BCAS3: variants seen among roughly 807,000 people sequenced by gnomAD.
BCAS3 encodes the protein BCAS3 microtubule associated cell migration factor.
Under a neutral mutation model 116.1 loss-of-function variants are expected in BCAS3, and 53 were observed. The observed-to-expected ratio is 0.46, with a 90% CI of 0.37 to 0.57. The LOEUF is 0.57. Ranked by LOEUF, BCAS3 falls within the 20% of genes least tolerant of loss-of-function variation. BCAS3 has a pLI of 0.00. For synonymous variants in BCAS3, 391 were observed against 408.2 expected (o/e 0.96, Z 0.51); for missense variants, 917 against 1,165.4 (o/e 0.79, Z 3.10).
Position 61,377,582 on chromosome 17 carries a change from G to A in BCAS3, c.2593+9088G>A, listed in dbSNP as rs2059396843. Among the ~76,000 whole-genome samples, 1 of 152,146 alleles carries A rather than the reference G, an allele frequency of 6.6e-6. No homozygotes were observed. The highest frequency in any genetic ancestry group is 2.4e-5 in the African/African-American group (1 of 41,418). ...CCTGGGCAAGTGCCTTTCCCTCTCT[G>A]GGCCAGTTTCTTCCTCTGTGACACA... On this transcript the variant is annotated intron_variant, in intron 23 of 23. Coordinates refer to ENST00000407086, the MANE Select transcript of BCAS3 (RefSeq NM_017679.5). This position sits in a 1 kb window ranked among gnomAD's most constrained non-coding sequence, Gnocchi z 4.6.
intron 7 of BCAS3, among the ~76,000 whole-genome samples, chr17:60,814,298 T>TGCGCGCGCGCGC (rs778722592): frequency 1.7e-5 from 2 of 115,112 alleles, no homozygotes; most frequent in African/African-American, 1.1e-4. Flanking sequence ...TGTGTGTGTG[T>TGCGCGCGCGCGC]GTGTGTGTGC....
At position 61,128,682 on chromosome 17, in the gene BCAS3, A is replaced by G. The variant is rs765307305; in HGVS notation, c.2425+44118A>G. On this transcript the variant is annotated intron_variant, in intron 22 of 23. Coordinates refer to ENST00000407086, the MANE Select transcript of BCAS3 (RefSeq NM_017679.5). This position sits in a 1 kb window ranked among gnomAD's most constrained non-coding sequence, Gnocchi z 4.1. ...TATTGTTTCTGCATCGTCCTGTCAA[A>G]CATCTGGAAACCAGCATATTGGCAG... 58 of 816,634 alleles carry G rather than the reference A, an allele frequency of 7.1e-5. No individual in the cohort carries two copies. Among genetic ancestry groups the G allele is most frequent in the Non-Finnish European group, 8.6e-5 (58 of 676,380 alleles). The allele number at this position is 816,634 out of a possible 1,614,324, so 50.6% of individuals were successfully genotyped here. A position where few individuals can be genotyped will look rare whatever the true frequency, so the allele number is the denominator to read the frequency against.
At chr17:61,102,256 C>G (rs1038189861) in intron 22 of BCAS3, among the ~76,000 whole-genome samples, 1 of 151,992 alleles carries the variant, frequency 6.6e-6, no homozygotes, top group Non-Finnish European at 1.5e-5. Context: ...GAGGTTTATT[C>G]TTGAAAAATT....
chr17:61,282,914 A>G lies in BCAS3; in HGVS notation c.2426-85413A>G, dbSNP rs1038113411. On this transcript the variant is annotated intron_variant, in intron 22 of 23. Coordinates refer to ENST00000407086, the MANE Select transcript of BCAS3 (RefSeq NM_017679.5). The surrounding 1 kb of genome is among the most constrained non-coding windows in gnomAD (Gnocchi z 5.9). ...GAAGGGGAGAAATCACAGTAAAAAT[A>G]TATATTTTCAATATATTTGTATATT... is the stretch of plus-strand genomic sequence containing the variant. Among the ~76,000 whole-genome samples the G allele has an allele frequency of 7.2e-6, 1 of 138,354 alleles. No individual in the cohort carries two copies. Among genetic ancestry groups the G allele is most frequent in the Non-Finnish European group, 1.5e-5 (1 of 67,698 alleles). The allele number at this position is 138,354 out of a possible 152,430, so 90.8% of individuals were successfully genotyped here. A position where few individuals can be genotyped will look rare whatever the true frequency, so the allele number is the denominator to read the frequency against.
At position 61,337,997 on chromosome 17, in the gene BCAS3, T is replaced by TAA. The variant is rs1419747924; in HGVS notation, c.2426-30330_2426-30329insAA. Among the ~76,000 whole-genome samples the TAA allele has an allele frequency of 6.6e-6, 1 of 152,224 alleles. No individual in the cohort carries two copies. Among genetic ancestry groups the TAA allele is most frequent in the East Asian group, 1.9e-4 (1 of 5,202 alleles). ...GACTTAGGAACTGCAGCGTCCCTTCTGTGTTGTGAGCAACTCAAAGTTAGG... is the reference window on the plus strand; with the variant it reads ...GACTTAGGAACTGCAGCGTCCCTTCTAAGTGTTGTGAGCAACTCAAAGTTAGG... On this transcript the variant is annotated intron_variant, in intron 22 of 23. Transcript: ENST00000407086. The surrounding 1 kb of genome is among the most constrained non-coding windows in gnomAD (Gnocchi z 4.8).
rs1016804872 is a variant in BCAS3, at chr17:61,200,470, C to T, written c.2425+115906C>T. On this transcript the variant is annotated intron_variant, in intron 22 of 23. Transcript: ENST00000407086. The surrounding 1 kb of genome is among the most constrained non-coding windows in gnomAD (Gnocchi z 5.1). The stretch of plus-strand genomic sequence containing the variant: ...TTATTTCATAATAAAGGAACCTGAG[C>T]TTCAGAAAGGGCCCTCGGCTTGCCG... Among the ~76,000 whole-genome samples the T allele has an allele frequency of 2.0e-5, 3 of 152,172 alleles. No homozygotes were observed. The highest frequency in any genetic ancestry group is 7.2e-5 in the African/African-American group (3 of 41,436).
chr17:61,363,717 C>A lies in BCAS3; in HGVS notation c.2426-4610C>A, dbSNP rs1191747724. Among the ~76,000 whole-genome samples the A allele has an allele frequency of 6.6e-6, 1 of 152,076 alleles. No individual in the cohort carries two copies. Among genetic ancestry groups the A allele is most frequent in the African/African-American group, 2.4e-5 (1 of 41,398 alleles). On this transcript the variant is annotated intron_variant, in intron 22 of 23. Transcript: ENST00000407086. This position sits in a 1 kb window ranked among gnomAD's most constrained non-coding sequence, Gnocchi z 4.9. ...CTGCTTCAACAAAAGATGTCTGTTGCCAAGAGTGTGTATTTTGTCCTTTGC... is the reference window on the plus strand; with the variant it reads ...CTGCTTCAACAAAAGATGTCTGTTGACAAGAGTGTGTATTTTGTCCTTTGC...
intron 22 of BCAS3, among the ~76,000 whole-genome samples, chr17:61,255,685 T>C (rs971889021): frequency 3.3e-5 from 5 of 152,224 alleles, no homozygotes; most frequent in Admixed American, 3.3e-4. Flanking sequence ...ATTCTTATTC[T>C]TTTGGAAGCC....
At chr17:61,232,959 C>T (rs1379636604) in intron 22 of BCAS3, among the ~76,000 whole-genome samples, 6 of 152,080 alleles carry the variant, frequency 3.9e-5, no homozygotes, top group Non-Finnish European at 1.5e-5. Context: ...ATGGAATTTG[C>T]TTCTATTTGA....
chr17:61,286,426 A>C lies in BCAS3; in HGVS notation c.2426-81901A>C, dbSNP rs761838202. On this transcript the variant is annotated intron_variant, in intron 22 of 23. Coordinates refer to ENST00000407086, the MANE Select transcript of BCAS3 (RefSeq NM_017679.5). This position sits in a 1 kb window ranked among gnomAD's most constrained non-coding sequence, Gnocchi z 4.8. ...GGCCTCTGGTTATTGGGAGGCTGGT[A>C]AATGGCCAGCAGGATAGAAATCCGA... Among the ~76,000 whole-genome samples, 1 of 152,300 alleles carries C rather than the reference A, an allele frequency of 6.6e-6. No individual in the cohort carries two copies. Among genetic ancestry groups the C allele is most frequent in the Non-Finnish European group, 1.5e-5 (1 of 68,012 alleles).
chr17:61,070,891 C>T (rs1455479673), intron 19 of BCAS3, among the ~76,000 whole-genome samples: 1 of 152,176 alleles, frequency 6.6e-6, no homozygotes, highest in Admixed American at 6.5e-5. Context: ...ATCTGTAAAA[C>T]AGAAGCCACC....
chr17:60,844,507 TTC>T (rs1469408838), intron 7 of BCAS3, among the ~76,000 whole-genome samples: 1 of 152,188 alleles, frequency 6.6e-6, no homozygotes, highest in Non-Finnish European at 1.5e-5. Context: ...ACTTCAGTTT[TTC>T]TGTTTTGTTT....
At chr17:60,932,215 C>T (rs532980964) in intron 13 of BCAS3, among the ~76,000 whole-genome samples, 4 of 152,038 alleles carry the variant, frequency 2.6e-5, no homozygotes, top group Non-Finnish European at 4.4e-5. Flanking sequence ...TCAATGTGTT[C>T]GCTGTTAGAG....
intron 5 of BCAS3, among the ~76,000 whole-genome samples, chr17:60,718,545 A>G (rs2038899608): frequency 6.6e-6 from 1 of 152,014 alleles, no homozygotes; most frequent in Non-Finnish European, 1.5e-5. Context: ...GTTGATTCTC[A>G]TGCCTCAGCC....
At chr17:60,925,132 G>T (rs1362172116) in intron 13 of BCAS3, among the ~76,000 whole-genome samples, 1 of 151,818 alleles carries the variant, frequency 6.6e-6, no homozygotes. Flanking sequence ...TGCTGCCCAG[G>T]CTGGTCCTGA....
rs1021216103 is a variant in BCAS3 at position 60,967,999 on chromosome 17, T to C, written c.1221+20647T>C. On this transcript the variant is annotated intron_variant, in intron 14 of 23. Transcript: ENST00000407086. The surrounding 1 kb of genome is among the most constrained non-coding windows in gnomAD (Gnocchi z 4.7). ...TTGTTTTGGAGATCACTGAGTTTTC[T>C]TAAAACTGCTATTTTGAATTCTTGG... Among the ~76,000 whole-genome samples, 1 of 151,038 alleles carries C rather than the reference T, an allele frequency of 6.6e-6. No homozygotes were observed. Among genetic ancestry groups the C allele is most frequent in the Non-Finnish European group, 1.5e-5 (1 of 68,024 alleles).
intron 22 of BCAS3, among the ~76,000 whole-genome samples, chr17:61,127,538 A>G (rs1301336719): frequency 6.6e-6 from 1 of 151,826 alleles, no homozygotes; most frequent in Non-Finnish European, 1.5e-5. Context: ...GATAAAATGT[A>G]TAATTCATTT....
intron 7 of BCAS3, among the ~76,000 whole-genome samples, chr17:60,861,241 C>T (rs987738204): frequency 2.6e-5 from 4 of 152,052 alleles, no homozygotes; most frequent in Admixed American, 2.0e-4. Context: ...GGATTGTATT[C>T]CTTTTACGGC....
rs1470563173 is a variant in BCAS3 at position 61,056,625 on chromosome 17, C to CT, written c.2029+15735dup. ...TTGTGTTTATTGTTATATATACTGG[C>CT]TTGTTTATTTTATTAAAAATACATG... On this transcript the variant is annotated intron_variant, in intron 19 of 23. Transcript: ENST00000407086. The surrounding 1 kb of genome is among the most constrained non-coding windows in gnomAD (Gnocchi z 4.9). 6.6e-6 allele frequency among the ~76,000 whole-genome samples: 1 copy of CT among 151,998 alleles called. No homozygotes were observed. The highest frequency in any genetic ancestry group is 1.5e-5 in the Non-Finnish European group (1 of 68,006).
Sources: allele counts gnomAD v4.1 joint callset (sites outside exome capture counted in the v4.1 genomes callset), GRCh38; gene constraint gnomAD v4.1.1; non-coding constraint Gnocchi (gnomAD v3.1); transcripts MANE v1.5; gene names NCBI Gene and HGNC (gene_info 2026-07-23, HGNC 2026-07-21).